Variants in TMPRSS7 observed in about 807,000 individuals in gnomAD.
The protein encoded by TMPRSS7 is transmembrane serine protease 7.
Under a neutral mutation model 95.6 loss-of-function variants are expected in TMPRSS7, and 81 were observed. The ratio of observed to expected loss-of-function variants is 0.85; its 90% CI spans 0.71 to 1.02. The LOEUF (loss-of-function observed/expected upper bound fraction) is 1.02, where lower values mean the gene tolerates loss of function less well. Among genes scored for constraint, TMPRSS7 ranks in the 50% least tolerant of loss-of-function variants. TMPRSS7 has a pLI of 0.00. For synonymous variants in TMPRSS7, 364 were observed against 337.8 expected, an observed-to-expected ratio of 1.08 and a Z score of -0.85; for missense variants, 945 against 955.2, an observed-to-expected ratio of 0.99 and a Z score of 0.14.
chr3:112,045,016 G>T (rs2073259846), intron 4 of TMPRSS7, among the ~76,000 whole-genome samples: 1 of 152,208 alleles, frequency 6.6e-6, no homozygotes, highest in Non-Finnish European at 1.5e-5. Flanking sequence ...GTGACTTGGA[G>T]TTGTATTCGG....
At chr3:112,049,884 A>G (rs953732039) in exon 8 of TMPRSS7, 2 of 1,550,732 alleles carry the variant, frequency 1.3e-6, no homozygotes, top group Non-Finnish European at 1.8e-6. Context: ...ATTTGTTTCT[A>G]CAAATAATCT....
intron 1 of TMPRSS7, among the ~76,000 whole-genome samples, chr3:112,037,801 A>C (rs1419999126): frequency 1.3e-5 from 2 of 152,178 alleles, no homozygotes; most frequent in African/African-American, 4.8e-5. Flanking sequence ...AAAAGAACCT[A>C]CATTGAAATA....
chr3:112,043,180 C>T, intron 3 of TMPRSS7: 3 of 446,296 alleles, frequency 6.7e-6, no homozygotes, highest in Non-Finnish European at 9.1e-6. Context: ...CTGGAATGGC[C>T]TACTACACAC....
intron 10 of TMPRSS7, among the ~76,000 whole-genome samples, chr3:112,059,060 A>G (rs1559958561): frequency 2.0e-5 from 3 of 152,232 alleles, no homozygotes. Flanking sequence ...GGAAAAAGTA[A>G]TCCTGACTGG....
chr3:112,067,498 C>T (rs919587392), intron 13 of TMPRSS7, among the ~76,000 whole-genome samples: 2 of 152,194 alleles, frequency 1.3e-5, no homozygotes, highest in African/African-American at 4.8e-5. Flanking sequence ...CCTGTTGTTT[C>T]CTGACTTTTT....
At chr3:112,043,809 T>A (rs893817115) in intron 3 of TMPRSS7, among the ~76,000 whole-genome samples, 1 of 152,222 alleles carries the variant, frequency 6.6e-6, no homozygotes, top group East Asian at 1.9e-4. Context: ...TAGACCTGGC[T>A]GTGGGTACCA....
intron 9 of TMPRSS7, among the ~76,000 whole-genome samples, chr3:112,051,602 CTCTAT>C (rs1201406243): frequency 2.7e-5 from 4 of 150,586 alleles, no homozygotes; most frequent in African/African-American, 9.8e-5. Flanking sequence ...TATTATCTAT[CTCTAT>C]TATCTATCTA....
At chr3:112,047,400 T>C (rs1425920861) in intron 6 of TMPRSS7, 1 of 563,892 alleles carries the variant, frequency 1.8e-6, no homozygotes, top group Non-Finnish European at 3.4e-6. Flanking sequence ...TCCTGATTGC[T>C]CTTGCAGAAG....
At chr3:112,055,896 G>A (rs1321197485) in intron 9 of TMPRSS7, among the ~76,000 whole-genome samples, 1 of 152,214 alleles carries the variant, frequency 6.6e-6, no homozygotes, top group African/African-American at 2.4e-5. Context: ...TACAAAGAGA[G>A]AAGTGGGCAA....
chr3:112,075,140 G>A (rs1033307251), intron 14 of TMPRSS7, among the ~76,000 whole-genome samples, 181 bp from the exon 15 acceptor site: 1 of 152,196 alleles, frequency 6.6e-6, no homozygotes, highest in African/African-American at 2.4e-5. Context: ...CATGCTTCAG[G>A]AAGGAGGGAG....
chr3:112,060,723 G>A (rs958346356), intron 10 of TMPRSS7, among the ~76,000 whole-genome samples: 6 of 152,080 alleles, frequency 3.9e-5, no homozygotes, highest in Non-Finnish European at 5.9e-5. Context: ...TGCAGTTAAC[G>A]CAATCATCAC....
In TMPRSS7 at chr3:112,077,094, G is replaced by T. The variant is rs1190443639; in HGVS notation, c.2174G>T (p.Arg725Leu). ...ATTCCTCCCACTGGTCAGAGAGTTC[G>T]CAGTGGGGAGAAGTGCTGGGTAACT... is the stretch of plus-strand genomic sequence containing the variant. Residue 725 changes from arginine to leucine, a missense_variant, in exon 16 of 18, where the codon CGC becomes CTC. Coordinates refer to ENST00000452346, the Ensembl canonical transcript of TMPRSS7. 6 of 1,614,034 alleles carry T rather than the reference G, an allele frequency of 3.7e-6. No individual in the cohort carries two copies. Among genetic ancestry groups the T allele is most frequent in the Admixed American group, 1.7e-5 (1 of 60,004 alleles).
At chr3:112,069,406 G>T (rs753279935) in intron 13 of TMPRSS7, among the ~76,000 whole-genome samples, 4 of 152,214 alleles carry the variant, frequency 2.6e-5, no homozygotes, top group Non-Finnish European at 5.9e-5. Context: ...AATGTTACCA[G>T]CTCCTCTTTG....
chr3:112,056,451 A>G (rs1051381748), intron 9 of TMPRSS7, among the ~76,000 whole-genome samples: 2 of 152,192 alleles, frequency 1.3e-5, no homozygotes, highest in Non-Finnish European at 2.9e-5. Flanking sequence ...GCAACAAAAA[A>G]GTGAGTTGCA....
chr3:112,056,485 TGTG>T (rs980423862), intron 9 of TMPRSS7, among the ~76,000 whole-genome samples: 14 of 152,076 alleles, frequency 9.2e-5, no homozygotes, highest in African/African-American at 2.4e-4. Context: ...CATGGACTGG[TGTG>T]GTGCATGCAC....
Position 112,047,700 on chromosome 3 carries a change from A to G in TMPRSS7, c.731-39A>G, listed in dbSNP as rs777194820. 4 of 1,470,024 alleles carry G rather than the reference A, an allele frequency of 2.7e-6. No individual in the cohort carries two copies. The African/African-American group carries it at 5.7e-5, about 21-fold the overall frequency. The allele number at this position is 1,470,024 out of a possible 1,614,324, so 91.1% of individuals were successfully genotyped here. ...CTGTTTTTATAAAAGTCATTCCTAA[A>G]AAAAAAGAAAATAAAGGAAAATGGT... On this transcript the variant is annotated intron_variant, in intron 6 of 17. Coordinates refer to ENST00000452346, the Ensembl canonical transcript of TMPRSS7.
At chr3:112,046,768 C>T (rs1401076687) in intron 5 of TMPRSS7, among the ~76,000 whole-genome samples, 2 of 152,176 alleles carry the variant, frequency 1.3e-5, no homozygotes, top group Non-Finnish European at 2.9e-5. Context: ...TACTCAACCT[C>T]GACAACTACC....
chr3:112,055,955 G>T (rs139528827), intron 9 of TMPRSS7, among the ~76,000 whole-genome samples: 3,259 of 152,320 alleles, frequency 0.021, 121 homozygotes, highest in African/African-American at 0.074. Flanking sequence ...ACTTTTGGAG[G>T]CTGAGGCAGG....
intron 10 of TMPRSS7, 46 bp from the exon 11 acceptor site, chr3:112,061,741 G>A (rs371897494): frequency 1.9e-5 from 29 of 1,542,190 alleles, no homozygotes; most frequent in African/African-American, 1.8e-4. Flanking sequence ...GAATTCAGTC[G>A]ACAGAACCTC....
Sources: allele counts gnomAD v4.1 joint callset (sites outside exome capture counted in the v4.1 genomes callset), GRCh38; gene constraint gnomAD v4.1.1; transcripts MANE v1.5; gene names NCBI Gene and HGNC (gene_info 2026-07-23, HGNC 2026-07-21).